The following TUBGCP6 variants were observed in gnomAD, a reference collection of about 807,000 sequenced individuals.
TUBGCP6 encodes the protein tubulin gamma complex component 6.
Under a neutral mutation model 175.8 loss-of-function variants are expected in TUBGCP6, and 161 were observed. That is an observed-to-expected ratio of 0.92 (90% CI 0.81 to 1.04). The LOEUF is 1.04. Ranked by LOEUF, TUBGCP6 falls within the 50% of genes least tolerant of loss-of-function variation. The pLI, the probability that TUBGCP6 is intolerant of heterozygous loss-of-function variation, is 0.00. For missense variants in TUBGCP6, 2,572 were observed against 2,433.0 expected (o/e 1.06, Z -1.20); for synonymous variants, 1,173 against 1,030.5 (o/e 1.14, Z -2.65).
intron 5 of TUBGCP6, among the ~76,000 whole-genome samples, chr22:50,227,628 A>G (rs2064631632): frequency 6.6e-6 from 1 of 152,174 alleles, no homozygotes; most frequent in African/African-American, 2.4e-5. Flanking sequence ...GCTTGTGTGT[A>G]CCGGACGCCA....
chr22:50,222,379 T>G (rs1190158899), intron 14 of TUBGCP6, 75 bp downstream of exon 14: 4 of 1,585,778 alleles, frequency 2.5e-6, no homozygotes, highest in Non-Finnish European at 2.6e-6. Context: ...GCATGTAGGT[T>G]TGTGTGCAGT....
rs1172506889 is a variant in TUBGCP6 at position 50,220,691 on chromosome 22, A to G, written c.3668T>C (p.Ile1223Thr). ...GTCCGATACGTTCTCCCCAACCCTGATGCTGGTGTCAGACACATGTCCGTG... is the reference window on the plus strand; with the variant it reads ...GTCCGATACGTTCTCCCCAACCCTGGTGCTGGTGTCAGACACATGTCCGTG... ...NTHGHVSDTS[I>T]RVGENVSDVA... Residue 1223 changes from isoleucine (I) to threonine (T), a missense_variant, in exon 16 of 25, where the codon ATC (isoleucine) becomes ACC (threonine). By Grantham distance (89) the Ile-to-Thr change is moderately conservative. Transcript: ENST00000248846. 4.3e-6 allele frequency: 7 copies of G among 1,610,514 alleles called. No homozygotes were observed. The highest frequency in any genetic ancestry group is 5.1e-6 in the Non-Finnish European group (6 of 1,179,716).
chr22:50,224,518 T>A lies in TUBGCP6; in HGVS notation c.2058A>T (p.Ala686=), dbSNP rs753236977. The part of the protein sequence containing the change: ...AREAASRVLS[A]LSDRQMSERM... ...GGACTTGGGGCCACTCACCACTCAG[T>A]GCACTCAGGACCCTGGATGCTGCTT... The change falls in exon 11 of 25, where the codon GCA becomes GCT. Residue 686 remains alanine, a synonymous_variant. Transcript: ENST00000248846. The A allele has an allele frequency of 1.2e-6, 2 of 1,614,156 alleles. No homozygotes were observed. The highest frequency in any genetic ancestry group is 1.7e-6 in the Non-Finnish European group (2 of 1,180,016).
intron 1 of TUBGCP6, among the ~76,000 whole-genome samples, chr22:50,243,009 A>C (rs2064858624): frequency 6.6e-6 from 1 of 152,110 alleles, no homozygotes; most frequent in Admixed American, 6.6e-5. Flanking sequence ...CCCCCCTTTT[A>C]CCATGATAAA....
Position 50,217,742 on chromosome 22 carries a change from G to C in TUBGCP6, c.5454C>G (p.Asp1818Glu). The change falls in exon 25 of 25, where the codon GAC becomes GAG. Residue 1818 changes from aspartate (D) to glutamate (E), a missense_variant. Transcript: ENST00000248846. The stretch of plus-strand genomic sequence containing the variant: ...CGTCCCCCGCAGAGCAGCCTCAGGC[G>C]TCCTGGTAGTAGTTGTTGAAGTTGA... ...LRINFNNYYQ[D>E]A The C allele has an allele frequency of 6.2e-7, 1 of 1,613,940 alleles. No individual in the cohort carries two copies. The highest frequency in any genetic ancestry group is 8.5e-7 in the Non-Finnish European group (1 of 1,179,958).
chr22:50,219,611 G>A (rs753952797), intron 18 of TUBGCP6, 33 bp downstream of exon 18: 2 of 1,608,554 alleles, frequency 1.2e-6, no homozygotes, highest in Non-Finnish European at 1.7e-6. Flanking sequence ...AGCCAGCCCA[G>A]GGCTCCCTGC....
Position 50,224,357 on chromosome 22 carries a change from T to G in TUBGCP6, c.2129A>C (p.Lys710Thr), listed in dbSNP as rs745305699. 1.2e-6 allele frequency: 2 copies of G among 1,614,224 alleles called. No homozygotes were observed. The highest frequency in any genetic ancestry group is 2.2e-5 in the South Asian group (2 of 91,084). ...CTCCTGGTCCTTCACAAATTGTTCTTTCAGCCTCTGAAACTGCTCACGCTT... is the reference window on the plus strand; with the variant it reads ...CTCCTGGTCCTTCACAAATTGTTCTGTCAGCCTCTGAAACTGCTCACGCTT... ...ARKREQFQRL[K>T]EQFVKDQERR... Residue 710 changes from lysine to threonine, a missense_variant, in exon 12 of 25, where the codon AAA (lysine) becomes ACA (threonine). Transcript: ENST00000248846.
At position 50,219,459 on chromosome 22, in the gene TUBGCP6, G is replaced by C; in HGVS notation, c.4316-3C>G. The C allele has an allele frequency of 6.3e-7, 1 of 1,583,024 alleles. No homozygotes were observed. The highest frequency in any genetic ancestry group is 1.1e-5 in the South Asian group (1 of 88,004). On this transcript the variant is annotated splice_polypyrimidine_tract_variant and splice_region_variant and intron_variant, in intron 18 of 24. Transcript: ENST00000248846. ...AAGATGAGCAATGGGCGGCTCGGCT[G>C]CGGGAGATGGAGCACGCACGTGCTG...
rs368098807 is a variant in TUBGCP6, at chr22:50,221,269, T to C, written c.3090A>G (p.Ser1030=). Residue 1030 remains serine, a synonymous_variant, in exon 16 of 25, where the codon TCA becomes TCG. Coordinates refer to ENST00000248846, the MANE Select transcript of TUBGCP6 (RefSeq NM_020461.4). ...AGTCCCCTGTGGGAAGACCACCCCC[T>C]GACACCTGCCCAAAGAGCCGCTCTG... ...QPTERLFGQV[S]GGGLPTGDYA... 146 of 1,613,886 alleles carry C rather than the reference T, an allele frequency of 9.0e-5. No individual in the cohort carries two copies. The highest frequency in any genetic ancestry group is 6.6e-4 in the Middle Eastern group (4 of 6,062).
rs2147174978 is a variant in TUBGCP6 at position 50,219,634 on chromosome 22, C to T, written c.4315+10G>A. 1.2e-6 allele frequency: 2 copies of T among 1,612,432 alleles called. No homozygotes were observed. Among genetic ancestry groups the T allele is most frequent in the South Asian group, 1.1e-5 (1 of 91,056 alleles). Reference sequence around the variant, plus strand: ...CAGGGCTCCCTGCCAACAGCAACTGCTGCACTCACACATGGACTCGTAACT... The same window carrying T: ...CAGGGCTCCCTGCCAACAGCAACTGTTGCACTCACACATGGACTCGTAACT... On this transcript the variant is annotated intron_variant, in intron 18 of 24. Transcript: ENST00000248846.
chr22:50,225,775 G>A lies in TUBGCP6; in HGVS notation c.1983+19C>T, dbSNP rs1394081414. ...AGGCAGGGGCGAAGAAAGCCCCCGA[G>A]ACCTGTGGTGCCACGCACCTTCTCC... On this transcript the variant is annotated intron_variant, in intron 10 of 24. Coordinates refer to ENST00000248846, the MANE Select transcript of TUBGCP6 (RefSeq NM_020461.4). The A allele has an allele frequency of 3.1e-6, 5 of 1,602,860 alleles. No homozygotes were observed. In the Admixed American group the frequency reaches 8.4e-5, roughly 27 times the overall value.
Position 50,221,526 on chromosome 22 carries a change from G to A in TUBGCP6, c.2833C>T (p.Pro945Ser), listed in dbSNP as rs2064523317. 1 of 1,585,342 alleles carries A rather than the reference G, an allele frequency of 6.3e-7. No individual in the cohort carries two copies. The highest frequency in any genetic ancestry group is 8.6e-7 in the Non-Finnish European group (1 of 1,164,332). Residue 945 changes from proline to serine, a missense_variant, in exon 16 of 25, where the codon CCC becomes TCC. Pro to Ser is a moderately conservative substitution (Grantham distance 74). Transcript: ENST00000248846. ...GEAPAAASTQ[P>S]SRPQEYDFST... ...AAGTCGTACTCCTGTGGCCTGGAGGGCTGAGTGCTGGCTGCTGCGGGTGCC... is the reference window on the plus strand; with the variant it reads ...AAGTCGTACTCCTGTGGCCTGGAGGACTGAGTGCTGGCTGCTGCGGGTGCC...
At position 50,221,631 on chromosome 22, in the gene TUBGCP6, C is replaced by G. The variant is rs745309410; in HGVS notation, c.2728G>C (p.Val910Leu). ...AGGAGAGGGACCATGCCAGTCTGCA[C>G]GGACGGCTCAGCCCCTGGGCCCACA... ...LPVGPGAEPS[V>L]QTGMVPLLEV... The change falls in exon 16 of 25, where the codon GTG (valine) becomes CTG (leucine). Residue 910 changes from valine to leucine, a missense_variant. Coordinates refer to ENST00000248846, the MANE Select transcript of TUBGCP6 (RefSeq NM_020461.4). The G allele has an allele frequency of 6.5e-7, 1 of 1,536,592 alleles. No individual in the cohort carries two copies. The highest frequency in any genetic ancestry group is 8.8e-7 in the Non-Finnish European group (1 of 1,141,164).
intron 7 of TUBGCP6, 75 bp from the exon 8 acceptor site, chr22:50,226,453 G>T: frequency 7.2e-7 from 1 of 1,387,680 alleles, no homozygotes; most frequent in Non-Finnish European, 1.0e-6. Flanking sequence ...GTGAGGGGTG[G>T]GACAGGGGCG....
chr22:50,227,787 C>T, intron 5 of TUBGCP6, 120 bp downstream of exon 5: 1 of 1,396,568 alleles, frequency 7.2e-7, no homozygotes, highest in Admixed American at 2.4e-5. Context: ...ATCCGGTCGC[C>T]TGCTGAGGGC....
intron 7 of TUBGCP6, 51 bp from the exon 8 acceptor site, chr22:50,226,429 G>A: frequency 7.8e-6 from 12 of 1,534,870 alleles, no homozygotes; most frequent in Non-Finnish European, 9.7e-6. Context: ...GAGGTGGGTG[G>A]GGCGTGGCTG....
rs143474393 is a variant in TUBGCP6 at position 50,226,104 on chromosome 22, G to A, written c.1779C>T (p.His593=). 9.0e-5 allele frequency: 145 copies of A among 1,614,146 alleles called. No individual in the cohort carries two copies. Among genetic ancestry groups the A allele is most frequent in the African/African-American group, 7.2e-4 (54 of 75,016 alleles). Residue 593 remains histidine (H), a synonymous_variant, in exon 9 of 25, where the codon CAC becomes CAT. Transcript: ENST00000248846. ...TGGTCTTTCCGCAGACGTATATGTCGTGGGCAATGTGCTTCAGAAACACGG... is the reference window on the plus strand; with the variant it reads ...TGGTCTTTCCGCAGACGTATATGTCATGGGCAATGTGCTTCAGAAACACGG... ...CVPVFLKHIA[H]DIYVCGKTIN...
At position 50,221,294 on chromosome 22, in the gene TUBGCP6, G is replaced by C. The variant is rs1384450791; in HGVS notation, c.3065C>G (p.Thr1022Arg). The C allele has an allele frequency of 8.7e-6, 14 of 1,613,744 alleles. No individual in the cohort carries two copies. Among genetic ancestry groups the C allele is most frequent in the Non-Finnish European group, 1.2e-5 (14 of 1,180,042 alleles). Residue 1022 changes from threonine (T) to arginine (R), a missense_variant, in exon 16 of 25, where the codon ACA becomes AGA. By Grantham distance (71) the Thr-to-Arg change is moderately conservative (BLOSUM62 -1). Coordinates refer to ENST00000248846, the MANE Select transcript of TUBGCP6 (RefSeq NM_020461.4). ...AALEEGSSQPTERLFGQVSGG... is the reference protein window; with the variant it reads ...AALEEGSSQPRERLFGQVSGG... ...TGACACCTGCCCAAAGAGCCGCTCTGTGGGCTGGCTGCTCCCCTCCTCCAG... is the reference window on the plus strand; with the variant it reads ...TGACACCTGCCCAAAGAGCCGCTCTCTGGGCTGGCTGCTCCCCTCCTCCAG...
rs1468631578 is a variant in TUBGCP6, at chr22:50,234,591, GGCAGCATCATCCACACCCCTATCCACA to G, written c.906-1092_906-1066del. ...CAGCATCGCCCACACCCCCGTCCACGGCAGCATCATCCACACCCCTATCCACAGCAGCATCATCCACACCCCCTGTGC... is the reference window on the plus strand; with the variant it reads ...CAGCATCGCCCACACCCCCGTCCACGGCAGCATCATCCACACCCCCTGTGC... On this transcript the variant is annotated intron_variant, in intron 2 of 24. Transcript: ENST00000248846. Among the ~76,000 whole-genome samples, 484 of 111,708 alleles carry G rather than the reference GGCAGCATCATCCACACCCCTATCCACA, an allele frequency of 4.3e-3. 1 individual carries two copies. Among genetic ancestry groups the G allele is most frequent in the Middle Eastern group, 8.8e-3 (1 of 114 alleles). 73.3% of individuals were successfully genotyped at this position (111,708 alleles called of 152,430 possible). A position where few individuals can be genotyped will look rare whatever the true frequency, so the allele number is the denominator to read the frequency against.
Sources: allele counts gnomAD v4.1 joint callset (sites outside exome capture counted in the v4.1 genomes callset), GRCh38; gene constraint gnomAD v4.1.1; transcripts MANE v1.5; gene names NCBI Gene and HGNC (gene_info 2026-07-23, HGNC 2026-07-21).